The following STRBP variants were observed in gnomAD, a reference collection of about 807,000 sequenced individuals.
The protein encoded by STRBP is spermatid perinuclear RNA-binding protein.
In STRBP, 13 loss-of-function variants were observed where a neutral mutation model predicts 80.1. That is an observed-to-expected ratio of 0.16 (90% CI 0.11 to 0.26). The LOEUF is 0.26. Ranked by LOEUF, STRBP falls within the 10% of genes least tolerant of loss-of-function variation. The pLI is 1.00. For missense variants in STRBP, 485 were observed against 815.2 expected (o/e 0.59, Z 4.93); for synonymous variants, 284 against 291.2 (o/e 0.98, Z 0.25).
intron 13 of STRBP, among the ~76,000 whole-genome samples, chr9:123,141,644 C>G (rs2036594246): frequency 6.6e-6 from 1 of 152,088 alleles, no homozygotes; most frequent in South Asian, 2.1e-4. Flanking sequence ...TCAACATAGA[C>G]AATAAAAATA....
chr9:123,219,790 C>A (rs189627379), intron 2 of STRBP, among the ~76,000 whole-genome samples: 4 of 152,274 alleles, frequency 2.6e-5, no homozygotes, highest in East Asian at 1.9e-4. Context: ...ACAATAAAAC[C>A]TGTATTTCAC....
In STRBP at chr9:123,158,043, C is replaced by T; in HGVS notation, c.1014G>A (p.Gln338=). The T allele has an allele frequency of 6.2e-7, 1 of 1,610,136 alleles. No individual in the cohort carries two copies. The highest frequency in any genetic ancestry group is 8.5e-7 in the Non-Finnish European group (1 of 1,178,794). The change falls in exon 11 of 19, where the codon CAG becomes CAA. Residue 338 remains glutamine (Q), a synonymous_variant. Transcript: ENST00000348403. The part of the protein sequence containing the change: ...MDPLPSSKPF[Q]KYSWSVTDKE... ...TATCAGTAACTGACCAGGAATACTT[C>T]TGAAAAGGCTTACTAGATGGAAGGG...
At chr9:123,118,111 C>T (rs1021318179), downstream of STRBP, among the ~76,000 whole-genome samples, 1 of 152,186 alleles carries the variant, frequency 6.6e-6, no homozygotes, top group Non-Finnish European at 1.5e-5. Context: ...GGCTTTAGAA[C>T]AGAACTAGGT....
At chr9:123,245,947 T>C (rs2040792227) in intron 1 of STRBP, among the ~76,000 whole-genome samples, 2 of 152,166 alleles carry the variant, frequency 1.3e-5, no homozygotes, top group Admixed American at 1.3e-4. Flanking sequence ...AAGACAATAG[T>C]TCATTATGGT....
At chr9:123,257,714 A>C (rs1304813684) in intron 1 of STRBP, among the ~76,000 whole-genome samples, 1 of 152,160 alleles carries the variant, frequency 6.6e-6, no homozygotes, top group Non-Finnish European at 1.5e-5. Context: ...GCTACTCAGC[A>C]GACTGAATGG....
Position 123,182,069 on chromosome 9 carries a change from G to A in STRBP, c.3+2063C>T, listed in dbSNP as rs762271610. Among the ~76,000 whole-genome samples the A allele has an allele frequency of 8.3e-4, 125 of 151,236 alleles. 1 individual carries two copies. The highest frequency in any genetic ancestry group is 1.5e-3 in the Non-Finnish European group (103 of 67,726). On this transcript the variant is annotated intron_variant, in intron 3 of 18. Coordinates refer to ENST00000348403, the MANE Select transcript of STRBP (RefSeq NM_018387.5). ...ATCTCTACTAAAAATACAAAAATTA[G>A]CCAGGTATGGTGGTACACCCCTACA...
rs989730149 is a variant in STRBP at position 123,239,853 on chromosome 9, T to C, written c.-301-2887A>G. 8.5e-5 allele frequency among the ~76,000 whole-genome samples: 13 copies of C among 152,346 alleles called. No homozygotes were observed. In the Middle Eastern group the frequency reaches 0.01, roughly 120 times the overall value. On this transcript the variant is annotated intron_variant, in intron 1 of 18. Coordinates refer to ENST00000348403, the MANE Select transcript of STRBP (RefSeq NM_018387.5). ...CCTGACACGAGAAGTACTACATTAC[T>C]ATTATTGTTGAAGCTATAAACAGTC... is the stretch of plus-strand genomic sequence containing the variant.
At chr9:123,214,904 C>A (rs2039842474) in intron 2 of STRBP, among the ~76,000 whole-genome samples, 1 of 152,080 alleles carries the variant, frequency 6.6e-6, no homozygotes, top group African/African-American at 2.4e-5. Context: ...AGTCTCTGGG[C>A]ATATAGATTG....
At chr9:123,239,629 T>A (rs2040650508) in intron 1 of STRBP, among the ~76,000 whole-genome samples, 1 of 152,222 alleles carries the variant, frequency 6.6e-6, no homozygotes, top group African/African-American at 2.4e-5. Context: ...AGGACTGTCA[T>A]CTCTTTTTCC....
intron 1 of STRBP, among the ~76,000 whole-genome samples, chr9:123,242,092 T>C (rs1331234988): frequency 6.6e-6 from 1 of 152,240 alleles, no homozygotes; most frequent in Non-Finnish European, 1.5e-5. Context: ...TGGCTCTTTC[T>C]TGACATTCAG....
chr9:123,237,516 A>G (rs2040594799), intron 1 of STRBP, among the ~76,000 whole-genome samples: 1 of 152,012 alleles, frequency 6.6e-6, no homozygotes, highest in Non-Finnish European at 1.5e-5. Context: ...TATTTGTACA[A>G]CTTTCACCTC....
intron 2 of STRBP, among the ~76,000 whole-genome samples, chr9:123,188,868 CT>C (rs1240447830): frequency 4.6e-5 from 7 of 152,102 alleles, no homozygotes; most frequent in Admixed American, 1.3e-4. Flanking sequence ...TTTGTTAATA[CT>C]AATATAAGCC....
At position 123,218,355 on chromosome 9, in the gene STRBP, C is replaced by CTTTTTT. The variant is rs10689260; in HGVS notation, c.-165+18469_-165+18474dup. ...CAGCTTATTTATACATTAAATATGA[C>CTTTTTT]TTTTTTTTTTTTTTTTTTTTTTTTT... On this transcript the variant is annotated intron_variant, in intron 2 of 18. Coordinates refer to ENST00000348403, the MANE Select transcript of STRBP (RefSeq NM_018387.5). Among the ~76,000 whole-genome samples the CTTTTTT allele has an allele frequency of 1.2e-3, 119 of 102,436 alleles. 6 individuals carry two copies. The highest frequency in any genetic ancestry group is 3.9e-3 in the African/African-American group (89 of 22,776). 67.2% of individuals were successfully genotyped at this position (102,436 alleles called of 152,430 possible). A position where few individuals can be genotyped will look rare whatever the true frequency, so the allele number is the denominator to read the frequency against.
At chr9:123,190,675 C>T (rs931072807) in intron 2 of STRBP, among the ~76,000 whole-genome samples, 4 of 152,174 alleles carry the variant, frequency 2.6e-5, no homozygotes, top group Non-Finnish European at 5.9e-5. Flanking sequence ...ACGGTATGTA[C>T]AAAGAAGATG....
At chr9:123,197,586 A>C (rs1396284034) in intron 2 of STRBP, among the ~76,000 whole-genome samples, 1 of 150,324 alleles carries the variant, frequency 6.7e-6, no homozygotes, top group Non-Finnish European at 1.5e-5. Flanking sequence ...TCACTTACTC[A>C]TAGCTTGGCT....
chr9:123,147,677 C>CAA (rs551381831), intron 12 of STRBP, 101 bp downstream of exon 12: 6,610 of 369,420 alleles, frequency 0.018, no homozygotes, highest in Non-Finnish European at 0.019. Context: ...GAACCGATCT[C>CAA]AAAAAAAAAA....
chr9:123,199,750 A>T (rs547829410), intron 2 of STRBP, among the ~76,000 whole-genome samples: 16 of 152,340 alleles, frequency 1.1e-4, no homozygotes, highest in African/African-American at 3.6e-4. Flanking sequence ...GAGTTTACTG[A>T]ATTTGTTTAT....
At position 123,123,777 on chromosome 9, in the gene STRBP, C is replaced by A. The variant is rs957439444; in HGVS notation, c.*1820G>T. On this transcript the variant is annotated 3_prime_UTR_variant, in exon 19 of 19. Transcript: ENST00000348403. ...AATAGTATTCCAAAGACAATGAGGA[C>A]TACTGTAAAGATTTAATTAATAAAA... The A allele has an allele frequency of 9.1e-6, 9 of 985,338 alleles. No individual in the cohort carries two copies. Among genetic ancestry groups the A allele is most frequent in the Non-Finnish European group, 4.8e-6 (4 of 829,896 alleles). The allele number at this position is 985,338 out of a possible 1,614,324, so 61.0% of individuals were successfully genotyped here. A position where few individuals can be genotyped will look rare whatever the true frequency, so the allele number is the denominator to read the frequency against.
rs139165153 is a variant in STRBP at position 123,171,146 on chromosome 9, A to G, written c.391-1100T>C. Among the ~76,000 whole-genome samples the G allele has an allele frequency of 8.7e-4, 133 of 152,316 alleles. 1 individual carries two copies. The highest frequency in any genetic ancestry group is 2.9e-3 in the African/African-American group (121 of 41,578). Reference sequence around the variant, plus strand: ...AAAAGAGCATTAAAGATGTCTATCAAAGAATAAATTGAACTTCATTTTTCA... The same window carrying G: ...AAAAGAGCATTAAAGATGTCTATCAGAGAATAAATTGAACTTCATTTTTCA... On this transcript the variant is annotated intron_variant, in intron 5 of 18. Transcript: ENST00000348403.
Sources: gnomAD v4.1 joint callset for allele counts (sites outside exome capture counted in the v4.1 genomes callset) on GRCh38, gnomAD v4.1.1 for gene constraint, MANE v1.5 for transcripts, NCBI Gene and HGNC (gene_info 2026-07-23, HGNC 2026-07-21) for gene names.